Variants in MACF1 observed in about 807,000 individuals in gnomAD.
MACF1 encodes microtubule-actin cross-linking factor 1.
Under a neutral mutation model 854.8 loss-of-function variants are expected in MACF1, and 193 were observed. The ratio of observed to expected loss-of-function variants is 0.23; its 90% CI spans 0.20 to 0.25. The LOEUF is 0.25. MACF1 is among the 10% of genes least tolerant of loss of function. The pLI, the probability that MACF1 is intolerant of heterozygous loss-of-function variation, is 1.00. For missense variants in MACF1, 7,722 were observed against 8,929.1 expected, an observed-to-expected ratio of 0.86 and a Z score of 5.45; for synonymous variants, 3,185 against 3,226.7, an observed-to-expected ratio of 0.99 and a Z score of 0.44.
chr1:39,244,473 G>C (rs1228293790), intron 2 of MACF1, among the ~76,000 whole-genome samples: 1 of 151,956 alleles, frequency 6.6e-6, no homozygotes, highest in Non-Finnish European at 1.5e-5. Flanking sequence ...AGTAGAGACG[G>C]GATTTCACTA....
intron 88 of MACF1, 78 bp downstream of exon 88, chr1:39,453,928 G>A (rs991854990): frequency 2.0e-6 from 3 of 1,477,366 alleles, no homozygotes; most frequent in Non-Finnish European, 2.7e-6. Context: ...TTTTCCCCCA[G>A]GTAAGGAATC....
chr1:39,089,035 A>G (rs1641742880), intron 2 of MACF1, among the ~76,000 whole-genome samples: 1 of 152,166 alleles, frequency 6.6e-6, no homozygotes, highest in South Asian at 2.1e-4. Context: ...AGATGACTGA[A>G]GATGTGGTCC....
At position 39,204,853 on chromosome 1, in the gene MACF1, A is replaced by T. The variant is rs1644432336; in HGVS notation, c.-170A>T. ...AGTCTACTAGCGCCTGCTGAAAAAC[A>T]GTCAGAAGTGAGATGGAGGAGAAGC... On this transcript the variant is annotated 5_prime_UTR_variant, in exon 1 of 101. Coordinates refer to ENST00000564288, the MANE Select transcript of MACF1 (RefSeq NM_001394062.1). The T allele has an allele frequency of 3.3e-6, 2 of 599,642 alleles. No homozygotes were observed. Among genetic ancestry groups the T allele is most frequent in the South Asian group, 2.0e-5 (1 of 50,424 alleles). The allele number at this position is 599,642 out of a possible 1,614,324, so 37.1% of individuals were successfully genotyped here. A position where few individuals can be genotyped will look rare whatever the true frequency, so the allele number is the denominator to read the frequency against.
chr1:39,225,438 G>A (rs903395984), intron 1 of MACF1, among the ~76,000 whole-genome samples: 1 of 151,452 alleles, frequency 6.6e-6, no homozygotes, highest in Non-Finnish European at 1.5e-5. Flanking sequence ...GGATGGTCTC[G>A]ATCTCCTGAC....
chr1:39,196,717 T>G (rs1644325056), intron 2 of MACF1, among the ~76,000 whole-genome samples: 1 of 152,244 alleles, frequency 6.6e-6, no homozygotes, highest in African/African-American at 2.4e-5. Context: ...GCTAAAGTTA[T>G]GATGCTTGTG....
chr1:39,471,285 G>C (rs1411293469), intron 97 of MACF1, among the ~76,000 whole-genome samples: 1 of 152,192 alleles, frequency 6.6e-6, no homozygotes, highest in Non-Finnish European at 1.5e-5. Context: ...GATGAGAAGA[G>C]AACAAAGTTA....
In MACF1 at chr1:39,335,612, G is replaced by A; in HGVS notation, c.9024G>A (p.Glu3008=). The change falls in exon 37 of 101, where the codon GAG becomes GAA. Residue 3008 remains glutamate, a synonymous_variant. Coordinates refer to ENST00000564288, the MANE Select transcript of MACF1 (RefSeq NM_001394062.1). ...ATCAGGAAACTGCCATTAGAGATGA[G>A]CATGACTCCCATATAAAGAGCCAAC... ...KLYQETAIRD[E]HDSHIKSQPR... is the part of the protein sequence containing the mutation. 1 of 1,614,116 alleles carries A rather than the reference G, an allele frequency of 6.2e-7. No homozygotes were observed. The highest frequency in any genetic ancestry group is 1.1e-5 in the South Asian group (1 of 91,066).
chr1:39,414,899 T>G (rs543912250), intron 58 of MACF1, among the ~76,000 whole-genome samples: 1 of 152,328 alleles, frequency 6.6e-6, no homozygotes, highest in South Asian at 2.1e-4. Flanking sequence ...CCTGGGGTGC[T>G]TCCTAACCAC....
chr1:39,480,658 A>AAT (rs1644996442), intron 98 of MACF1, among the ~76,000 whole-genome samples: 1 of 151,482 alleles, frequency 6.6e-6, no homozygotes, highest in Admixed American at 6.6e-5. Flanking sequence ...AAAAAAAAAA[A>AAT]TAAGGAAAAA....
chr1:39,243,870 G>A (rs2148325591), intron 2 of MACF1, among the ~76,000 whole-genome samples: 1 of 152,132 alleles, frequency 6.6e-6, no homozygotes, highest in East Asian at 1.9e-4. Context: ...TGTTAATTGA[G>A]CCCTCCAAAT....
chr1:39,182,726 AAC>A (rs1457143329), intron 2 of MACF1, among the ~76,000 whole-genome samples: 7 of 152,202 alleles, frequency 4.6e-5, no homozygotes, highest in Admixed American at 4.6e-4. Context: ...GAGAAATTGG[AAC>A]ACCCCCAACA....
At chr1:39,173,152 C>T (rs936345071) in intron 2 of MACF1, among the ~76,000 whole-genome samples, 5 of 151,908 alleles carry the variant, frequency 3.3e-5, no homozygotes, top group Non-Finnish European at 7.4e-5. Flanking sequence ...GCATCCTGGC[C>T]AACATGGTGA....
At chr1:39,451,615 A>G (rs1016810514) in intron 85 of MACF1, among the ~76,000 whole-genome samples, 4 of 151,968 alleles carry the variant, frequency 2.6e-5, no homozygotes, top group Non-Finnish European at 4.4e-5. Context: ...ATTTAACATA[A>G]TCTCTATCTG....
At chr1:39,175,311 C>T (rs1050066132) in intron 2 of MACF1, among the ~76,000 whole-genome samples, 1 of 152,048 alleles carries the variant, frequency 6.6e-6, no homozygotes, top group African/African-American at 2.4e-5. Flanking sequence ...GTTGGAATAC[C>T]ATATGAAATA....
At chr1:39,116,352 G>A (rs1211822931) in intron 2 of MACF1, among the ~76,000 whole-genome samples, 1 of 151,926 alleles carries the variant, frequency 6.6e-6, no homozygotes, top group Non-Finnish European at 1.5e-5. Flanking sequence ...TATTTGCTGA[G>A]AGTCAGGAGG....
intron 58 of MACF1, chr1:39,414,105 T>C: frequency 6.2e-7 from 1 of 1,604,712 alleles, no homozygotes; most frequent in Non-Finnish European, 8.5e-7. Flanking sequence ...CCGAGGAGCC[T>C]GCCTCCCCAG....
chr1:39,360,731 G>A, intron 47 of MACF1, 62 bp from the exon 48 acceptor site: 1 of 672,336 alleles, frequency 1.5e-6, no homozygotes, highest in Non-Finnish European at 2.3e-6. Flanking sequence ...TAATAATAAA[G>A]TCTTTAAAAG....
At chr1:39,425,180 C>G (rs1311429782) in intron 61 of MACF1, among the ~76,000 whole-genome samples, 3 of 152,040 alleles carry the variant, frequency 2.0e-5, no homozygotes, top group African/African-American at 7.2e-5. Context: ...TCCTTTGTGC[C>G]CACATCGATC....
intron 61 of MACF1, 128 bp from the exon 62 acceptor site, chr1:39,427,327 G>A (rs920873638): frequency 7.1e-6 from 5 of 704,596 alleles, no homozygotes; most frequent in South Asian, 4.3e-5. Flanking sequence ...GCTACATAAC[G>A]TGTGTTCTGT....
Sources: allele counts gnomAD v4.1 joint callset (sites outside exome capture counted in the v4.1 genomes callset), GRCh38; gene constraint gnomAD v4.1.1; transcripts MANE v1.5; gene names NCBI Gene and HGNC (gene_info 2026-07-23, HGNC 2026-07-21).